Variants in ALOX5AP observed in about 807,000 individuals in gnomAD.
The protein encoded by ALOX5AP is arachidonate 5-lipoxygenase activating protein, also known as arachidonate 5-lipoxygenase-activating protein.
ALOX5AP carries 9 observed loss-of-function variants against 18.5 expected under a neutral mutation model. The observed-to-expected ratio is 0.49, with a 90% CI of 0.29 to 0.85. The LOEUF (loss-of-function observed/expected upper bound fraction) is 0.85. Ranked by LOEUF, ALOX5AP falls within the 40% of genes least tolerant of loss-of-function variation. ALOX5AP has a pLI of 0.08. For missense variants in ALOX5AP, 172 were observed against 202.5 expected, an observed-to-expected ratio of 0.85 and a Z score of 0.91; for synonymous variants, 81 against 78.6, an observed-to-expected ratio of 1.03 and a Z score of -0.16.
chr13:30,743,008 A>C (rs1951780331), intron 1 of ALOX5AP, among the ~76,000 whole-genome samples: 1 of 151,888 alleles, frequency 6.6e-6, no homozygotes, highest in Non-Finnish European at 1.5e-5. Context: ...TTCCTGCCAC[A>C]CTAAAGACAG....
At chr13:30,739,282 G>A (rs1033506138) in intron 1 of ALOX5AP, among the ~76,000 whole-genome samples, 4 of 152,162 alleles carry the variant, frequency 2.6e-5, no homozygotes, top group Admixed American at 6.5e-5. Context: ...ACCCACTCAT[G>A]CAACTGCCTT....
At chr13:30,763,679 A>C (rs1951964650) in intron 4 of ALOX5AP, among the ~76,000 whole-genome samples, 1 of 152,212 alleles carries the variant, frequency 6.6e-6, no homozygotes, top group Non-Finnish European at 1.5e-5. Flanking sequence ...TCATGAGAGC[A>C]CAGAGGGGCG....
intron 4 of ALOX5AP, among the ~76,000 whole-genome samples, chr13:30,760,901 G>T (rs1008094164): frequency 2.6e-5 from 4 of 152,042 alleles, no homozygotes; most frequent in Non-Finnish European, 4.4e-5. Flanking sequence ...GTCTTCTGTG[G>T]TTGGTATAAA....
At chr13:30,747,104 C>T (rs977190993) in intron 2 of ALOX5AP, among the ~76,000 whole-genome samples, 1 of 152,198 alleles carries the variant, frequency 6.6e-6, no homozygotes, top group South Asian at 2.1e-4. Flanking sequence ...CCCATGAGGG[C>T]AGAGCTGAGC....
intron 1 of ALOX5AP, among the ~76,000 whole-genome samples, chr13:30,736,937 G>T (rs1404821653): frequency 1.3e-5 from 2 of 152,232 alleles, no homozygotes; most frequent in African/African-American, 4.8e-5. Context: ...CATGTACAGA[G>T]ACCCTGCTCT....
chr13:30,736,134 T>G (rs965319640), intron 1 of ALOX5AP, among the ~76,000 whole-genome samples: 2 of 152,138 alleles, frequency 1.3e-5, no homozygotes, highest in African/African-American at 4.8e-5. Flanking sequence ...TTTTGGGAGG[T>G]GCGTAGAAAA....
intron 1 of ALOX5AP, among the ~76,000 whole-genome samples, chr13:30,723,719 C>G (rs886722672): frequency 6.6e-6 from 1 of 152,044 alleles, no homozygotes; most frequent in Non-Finnish European, 1.5e-5. Flanking sequence ...CATTTTAACT[C>G]CTAAGTGAAA....
intron 3 of ALOX5AP, among the ~76,000 whole-genome samples, chr13:30,753,313 G>A (rs913338859): frequency 6.6e-6 from 1 of 152,228 alleles, no homozygotes; most frequent in Non-Finnish European, 1.5e-5. Context: ...TCTCTCCTGA[G>A]TTAAATAGGA....
In ALOX5AP at chr13:30,736,366, C is replaced by A. The variant is rs892828557; in HGVS notation, c.70+691C>A. ...TATTAGTTAAAAACAACAACAACAA[C>A]AAAAAACAAGCAGGATACCTAGATC... On this transcript the variant is annotated intron_variant, in intron 1 of 4. Transcript: ENST00000380490. Among the ~76,000 whole-genome samples, 7 of 151,868 alleles carry A rather than the reference C, an allele frequency of 4.6e-5. No individual in the cohort carries two copies. The South Asian group carries it at 8.3e-4, about 18-fold the overall frequency.
intron 3 of ALOX5AP, among the ~76,000 whole-genome samples, chr13:30,755,602 A>G (rs1951886814): frequency 6.6e-6 from 1 of 152,214 alleles, no homozygotes; most frequent in African/African-American, 2.4e-5. Flanking sequence ...CACTAACCCT[A>G]TCAATAGCTG....
chr13:30,739,426 A>C (rs1951745526), intron 1 of ALOX5AP, among the ~76,000 whole-genome samples: 1 of 152,164 alleles, frequency 6.6e-6, no homozygotes, highest in Non-Finnish European at 1.5e-5. Context: ...CAAGTGAATA[A>C]AGATATATAT....
chr13:30,718,196 T>C (rs1435178090), intron 1 of ALOX5AP, among the ~76,000 whole-genome samples: 1 of 151,634 alleles, frequency 6.6e-6, no homozygotes, highest in Non-Finnish European at 1.5e-5. Context: ...TGACCTCAGG[T>C]GATCCACTTG....
At chr13:30,725,050 C>T (rs1951628469) in intron 1 of ALOX5AP, among the ~76,000 whole-genome samples, 1 of 152,136 alleles carries the variant, frequency 6.6e-6, no homozygotes, top group South Asian at 2.1e-4. Context: ...CTCTGGGGTG[C>T]CCGTGAAGGA....
At chr13:30,741,552 C>T (rs1168011901) in intron 1 of ALOX5AP, among the ~76,000 whole-genome samples, 4 of 101,412 alleles carry the variant, frequency 3.9e-5, no homozygotes, top group Middle Eastern at 4.5e-3. Flanking sequence ...CCCTCCCCAC[C>T]CCCACCCCCC....
chr13:30,737,307 C>T (rs780683156), intron 1 of ALOX5AP, among the ~76,000 whole-genome samples: 3 of 152,220 alleles, frequency 2.0e-5, no homozygotes, highest in Non-Finnish European at 4.4e-5. Context: ...CTCCTCACCT[C>T]TCCTAATGGA....
At chr13:30,732,158 G>A (rs1951686684), upstream of ALOX5AP, among the ~76,000 whole-genome samples, 1 of 152,234 alleles carries the variant, frequency 6.6e-6, no homozygotes, top group Non-Finnish European at 1.5e-5. Flanking sequence ...ACTCCAAGGA[G>A]CTCAGAGCGG....
intron 1 of ALOX5AP, among the ~76,000 whole-genome samples, chr13:30,729,864 C>G (rs1299822196): frequency 6.6e-6 from 1 of 152,236 alleles, no homozygotes; most frequent in Non-Finnish European, 1.5e-5. Flanking sequence ...GCATGAGCCA[C>G]CGTGCCCGGC....
Position 30,752,102 on chromosome 13 carries a change from C to A in ALOX5AP, c.221C>A (p.Ala74Glu), listed in dbSNP as rs148308449. The change falls in exon 3 of 5, where the codon GCG (alanine) becomes GAG (glutamate). Residue 74 changes from alanine to glutamate, a missense_variant. Transcript: ENST00000380490. Reference protein sequence around the residue: ...YPTFLAVLWSAGLLCSQVPAA... With the variant: ...YPTFLAVLWSEGLLCSQVPAA... ...ACTTTCCTCGCTGTGCTCTGGTCTG[C>A]GGGGCTACTTTGCAGCCAAGGTAAC... The A allele has an allele frequency of 1.2e-6, 2 of 1,614,012 alleles. No individual in the cohort carries two copies. Among genetic ancestry groups the A allele is most frequent in the East Asian group, 2.2e-5 (1 of 44,886 alleles).
chr13:30,755,796 C>T, intron 3 of ALOX5AP, 148 bp from the exon 4 acceptor site: 2 of 695,768 alleles, frequency 2.9e-6, no homozygotes, highest in Non-Finnish European at 5.0e-6. Flanking sequence ...TAGGAAGGTT[C>T]TCAGGTTTCC....
Sources: allele counts gnomAD v4.1 joint callset (sites outside exome capture counted in the v4.1 genomes callset), GRCh38; gene constraint gnomAD v4.1.1; transcripts MANE v1.5; gene names NCBI Gene and HGNC (gene_info 2026-07-23, HGNC 2026-07-21).